FGFR2: variants seen among roughly 807,000 people sequenced by gnomAD.
FGFR2 encodes the protein BEK fibroblast growth factor receptor.
A neutral mutation model predicts 95.9 loss-of-function variants in FGFR2; 19 were observed. That is an observed-to-expected ratio of 0.20 (90% CI 0.14 to 0.29). The LOEUF (loss-of-function observed/expected upper bound fraction) is 0.29, where lower values mean the gene tolerates loss of function less well. Among genes scored for constraint, FGFR2 ranks in the 10% least tolerant of loss-of-function variants. The pLI is 1.00. For synonymous variants in FGFR2, 392 were observed against 393.3 expected (o/e 1.00, Z 0.04); for missense variants, 707 against 1,056.9 (o/e 0.67, Z 4.59).
chr10:121,497,795 T>C (rs1400154930), intron 12 of FGFR2, among the ~76,000 whole-genome samples: 2 of 152,198 alleles, frequency 1.3e-5, no homozygotes, highest in Admixed American at 1.3e-4. Flanking sequence ...TTCTCACTAC[T>C]ATGGCAGACA....
chr10:121,523,578 A>G (rs1382329286), intron 6 of FGFR2, among the ~76,000 whole-genome samples: 1 of 152,228 alleles, frequency 6.6e-6, no homozygotes, highest in Non-Finnish European at 1.5e-5. Flanking sequence ...AGATCCTGCC[A>G]GACAAGGTCA....
intron 17 of FGFR2, 183 bp from the exon 18 acceptor site, chr10:121,480,204 G>A (rs1262020013): frequency 2.6e-6 from 2 of 765,008 alleles, no homozygotes; most frequent in East Asian, 2.5e-5. Flanking sequence ...ACCCCTAGAA[G>A]GTGAACAGAG....
At chr10:121,544,265 G>A (rs1032554992) in intron 5 of FGFR2, among the ~76,000 whole-genome samples, 4 of 152,018 alleles carry the variant, frequency 2.6e-5, no homozygotes, top group Admixed American at 1.3e-4. Context: ...GACCAACATG[G>A]TGAAACCCTG....
At chr10:121,512,667 T>C (rs1849209617) in intron 9 of FGFR2, among the ~76,000 whole-genome samples, 1 of 152,082 alleles carries the variant, frequency 6.6e-6, no homozygotes, top group African/African-American at 2.4e-5. Context: ...GGAGCTAGGA[T>C]TACAGGCATT....
intron 6 of FGFR2, among the ~76,000 whole-genome samples, chr10:121,524,995 C>T (rs1851167000): frequency 1.3e-5 from 2 of 152,338 alleles, no homozygotes; most frequent in East Asian, 3.9e-4. Context: ...ACATCTTCTC[C>T]ACCAGGAAGG....
chr10:121,482,901 G>A (rs938658046), intron 17 of FGFR2, among the ~76,000 whole-genome samples: 1 of 152,092 alleles, frequency 6.6e-6, no homozygotes, highest in African/African-American at 2.4e-5. Context: ...GGGTTCAAGC[G>A]ATTCCCCTAC....
At chr10:121,510,442 G>C (rs150209731) in intron 9 of FGFR2, among the ~76,000 whole-genome samples, 33 of 152,300 alleles carry the variant, frequency 2.2e-4, no homozygotes, top group East Asian at 1.5e-3. Context: ...TAAGTCATCC[G>C]TGACCACTCT....
rs1253602922 is a variant in FGFR2 at position 121,564,589 on chromosome 10, A to G, written c.377-10T>C. The G allele has an allele frequency of 3.1e-6, 5 of 1,613,166 alleles. No individual in the cohort carries two copies. Among genetic ancestry groups the G allele is most frequent in the Non-Finnish European group, 4.2e-6 (5 of 1,179,412 alleles). ...CCGGATGAGATGGCATCTGTATGCAAAAGAACATATTCCATGGATGTGTTT... is the reference window on the plus strand; with the variant it reads ...CCGGATGAGATGGCATCTGTATGCAGAAGAACATATTCCATGGATGTGTTT... On this transcript the variant is annotated splice_polypyrimidine_tract_variant and intron_variant, in intron 3 of 17. Coordinates refer to ENST00000358487, the MANE Select transcript of FGFR2 (RefSeq NM_000141.5).
rs753739297 is a variant in FGFR2 at position 121,498,610 on chromosome 10, G to GAAC, written c.1562-8_1562-6dup. The GAAC allele has an allele frequency of 5.0e-6, 8 of 1,612,590 alleles. No homozygotes were observed. The highest frequency in any genetic ancestry group is 5.9e-6 in the Non-Finnish European group (7 of 1,178,734). ...GGTCTTTCTCTGTGGCATCATCTAT[G>GAAC]AACAGTAGGCATATTCACAAATCAG... On this transcript the variant is annotated splice_region_variant and splice_polypyrimidine_tract_variant and intron_variant, in intron 11 of 17. Transcript: ENST00000358487.
rs563229586 is a variant in FGFR2, at chr10:121,510,548, G to A, written c.1287+4569C>T. Among the ~76,000 whole-genome samples, 11 of 152,200 alleles carry A rather than the reference G, an allele frequency of 7.2e-5. No homozygotes were observed. In the South Asian group the frequency reaches 2.1e-3, roughly 29 times the overall value. On this transcript the variant is annotated intron_variant, in intron 9 of 17. Transcript: ENST00000358487. ...CCAGATCATGATGTTCAGCTGCCAG[G>A]CAGTAAACGAGCTTCTGGGAGTAGA...
Position 121,581,575 on chromosome 10 carries a change from C to CA in FGFR2, c.109+12133dup, listed in dbSNP as rs67205229. ...GCAACAAGTGAGAACCCATCTCTAC[C>CA]AAAAAAAAAAAAAAAGAAAAAAAGA... On this transcript the variant is annotated intron_variant, in intron 2 of 17. Transcript: ENST00000358487. Among the ~76,000 whole-genome samples the CA allele has an allele frequency of 2.0e-3, 240 of 121,986 alleles. 1 individual carries two copies. Among genetic ancestry groups the CA allele is most frequent in the Admixed American group, 2.9e-3 (35 of 11,874 alleles). The allele number at this position is 121,986 out of a possible 152,430, so 80.0% of individuals were successfully genotyped here. A position where few individuals can be genotyped will look rare whatever the true frequency, so the allele number is the denominator to read the frequency against.
At position 121,486,724 on chromosome 10, in the gene FGFR2, A is replaced by G. The variant is rs376867301; in HGVS notation, c.2057+630T>C. On this transcript the variant is annotated intron_variant, in intron 15 of 17. Transcript: ENST00000358487. ...CAAAGTGCTGGGATTGATTACAGGT[A>G]TGAGTCACTGCACACAGCCTTCAAC... Among the ~76,000 whole-genome samples, 10 of 152,340 alleles carry G rather than the reference A, an allele frequency of 6.6e-5. No individual in the cohort carries two copies. In the South Asian group the frequency reaches 1.2e-3, roughly 19 times the overall value.
rs2134223194 is a variant in FGFR2 at position 121,515,177 on chromosome 10, G to T, written c.1227C>A (p.Phe409Leu). The change falls in exon 9 of 18, where the codon TTC becomes TTA. Residue 409 changes from phenylalanine (F) to leucine (L), a missense_variant. Physicochemically the swap from Phe to Leu is conservative, Grantham distance 22 (BLOSUM62 0). Around this residue, in one of 7 missense-constraint regions of FGFR2, gnomAD observed 194 missense variants for 267.3 expected, o/e 0.73. Coordinates refer to ENST00000358487, the MANE Select transcript of FGFR2 (RefSeq NM_000141.5). ...GCTTGTGCACAGCCGGCTGGCTGCTGAAGTCTGGCTTCTTGGTCGTGTTCT... is the reference window on the plus strand; with the variant it reads ...GCTTGTGCACAGCCGGCTGGCTGCTTAAGTCTGGCTTCTTGGTCGTGTTCT... ...RMKNTTKKPD[F>L]SSQPAVHKLT... 6.2e-7 allele frequency: 1 copy of T among 1,614,202 alleles called. No homozygotes were observed. The highest frequency in any genetic ancestry group is 2.2e-5 in the East Asian group (1 of 44,892).
chr10:121,548,564 T>C (rs1394530705), intron 5 of FGFR2, among the ~76,000 whole-genome samples: 1 of 152,146 alleles, frequency 6.6e-6, no homozygotes, highest in East Asian at 1.9e-4. Context: ...ATATTTGTAA[T>C]CACTAATTCA....
chr10:121,580,004 G>A (rs960458237), intron 2 of FGFR2, among the ~76,000 whole-genome samples: 3 of 152,156 alleles, frequency 2.0e-5, no homozygotes, highest in African/African-American at 7.2e-5. Flanking sequence ...TCAATAAATG[G>A]TGCATACTCC....
intron 9 of FGFR2, among the ~76,000 whole-genome samples, chr10:121,509,641 G>A (rs1374175047): frequency 3.3e-5 from 5 of 151,582 alleles, no homozygotes; most frequent in Admixed American, 1.3e-4. Flanking sequence ...GTACCACCAC[G>A]CCCAGCTAAT....
intron 9 of FGFR2, among the ~76,000 whole-genome samples, chr10:121,510,901 T>C (rs1589806630): frequency 6.6e-6 from 1 of 151,982 alleles, no homozygotes; most frequent in Non-Finnish European, 1.5e-5. Context: ...TCCTGGGTTC[T>C]AGTGATTCTC....
chr10:121,596,969 A>G (rs1267501999), intron 1 of FGFR2, among the ~76,000 whole-genome samples: 1 of 152,228 alleles, frequency 6.6e-6, no homozygotes, highest in African/African-American at 2.4e-5. Flanking sequence ...ATTTGGGACC[A>G]GGGAGACAAT....
intron 13 of FGFR2, among the ~76,000 whole-genome samples, chr10:121,492,315 C>A (rs1434894309): frequency 6.6e-6 from 1 of 152,080 alleles, no homozygotes; most frequent in East Asian, 1.9e-4. Flanking sequence ...GGCTCAAATA[C>A]CCTATTACCT....
Sources: allele counts gnomAD v4.1 joint callset (sites outside exome capture counted in the v4.1 genomes callset), GRCh38; gene constraint gnomAD v4.1.1; regional missense constraint gnomAD v4.1.1; transcripts MANE v1.5; gene names NCBI Gene and HGNC (gene_info 2026-07-23, HGNC 2026-07-21).